Variants in MAT2B observed in about 807,000 individuals in gnomAD.
MAT2B encodes methionine adenosyltransferase 2 subunit beta.
In MAT2B, 16 loss-of-function variants were observed where a neutral mutation model predicts 36.1. The ratio of observed to expected loss-of-function variants is 0.44; its 90% CI spans 0.30 to 0.67. The LOEUF (loss-of-function observed/expected upper bound fraction) is 0.67, where lower values mean the gene tolerates loss of function less well. MAT2B is among the 30% of genes least tolerant of loss of function. The probability of loss-of-function intolerance (pLI) is 0.09; values close to 1 mark genes in which losing one functional copy is unlikely to be tolerated. For missense variants in MAT2B, 332 were observed against 398.2 expected, an observed-to-expected ratio of 0.83 and a Z score of 1.42; for synonymous variants, 148 against 136.9, an observed-to-expected ratio of 1.08 and a Z score of -0.57.
chr5:163,514,978 T>C (rs1417609267), intron 4 of MAT2B, among the ~76,000 whole-genome samples: 4 of 152,290 alleles, frequency 2.6e-5, no homozygotes, highest in South Asian at 2.1e-4. Flanking sequence ...TGAGGGTCTT[T>C]CTGGTCCTCT....
At chr5:163,503,300 C>A, upstream of MAT2B, 3 of 1,133,232 alleles carry the variant, frequency 2.6e-6, no homozygotes, top group South Asian at 1.3e-5. Flanking sequence ...GGCGTGCCTG[C>A]GCTCTCTGCA....
chr5:163,504,694 G>A (rs1581211132), upstream of MAT2B, among the ~76,000 whole-genome samples: 2 of 152,170 alleles, frequency 1.3e-5, no homozygotes, highest in African/African-American at 2.4e-5. Context: ...TTTCACAGGC[G>A]TCCAGCCTGG....
Position 163,518,485 on chromosome 5 carries a change from T to C in MAT2B, c.*122T>C. 4 of 741,820 alleles carry C rather than the reference T, an allele frequency of 5.4e-6. No homozygotes were observed. The highest frequency in any genetic ancestry group is 8.2e-6 in the Non-Finnish European group (4 of 485,188). The allele number at this position is 741,820 out of a possible 1,614,324, so 46.0% of individuals were successfully genotyped here. A position where few individuals can be genotyped will look rare whatever the true frequency, so the allele number is the denominator to read the frequency against. ...ATTGTGACTCTTAGGATCTTTCAGG[T>C]AAATGATGCTCTTGCACTAGTGAAA... On this transcript the variant is annotated 3_prime_UTR_variant, in exon 7 of 7. Transcript: ENST00000321757.
intron 2 of MAT2B, chr5:163,512,552 T>G: frequency 2.6e-6 from 1 of 379,294 alleles, no homozygotes; most frequent in South Asian, 2.1e-5. Flanking sequence ...AGGTTTTCGG[T>G]ATCATTGATA....
At chr5:163,513,800 T>C in intron 3 of MAT2B, 42 bp from the exon 4 acceptor site, 1 of 1,572,534 alleles carries the variant, frequency 6.4e-7, no homozygotes, top group Non-Finnish European at 8.7e-7. Context: ...GAAAGAGTAA[T>C]GTCATGTAAA....
Position 163,513,635 on chromosome 5 carries a change from T to C in MAT2B, c.339T>C (p.Asn113=). 2 of 1,613,884 alleles carry C rather than the reference T, an allele frequency of 1.2e-6. No individual in the cohort carries two copies. The highest frequency in any genetic ancestry group is 1.7e-6 in the Non-Finnish European group (2 of 1,179,816). The change falls in exon 3 of 7, where the codon AAT becomes AAC. Residue 113 remains asparagine (N), a synonymous_variant. Coordinates refer to ENST00000321757, the MANE Select transcript of MAT2B (RefSeq NM_013283.5). The part of the protein sequence containing the change: ...ENQPDAASQL[N]VDASGNLAKE... ...AGCCAGATGCTGCCTCTCAACTTAATGTGGATGCTTCTGGGAATTTAGCAA... is the reference window on the plus strand; with the variant it reads ...AGCCAGATGCTGCCTCTCAACTTAACGTGGATGCTTCTGGGAATTTAGCAA...
intron 1 of MAT2B, among the ~76,000 whole-genome samples, chr5:163,506,863 C>A (rs1581212016): frequency 6.6e-6 from 1 of 152,044 alleles, no homozygotes; most frequent in Non-Finnish European, 1.5e-5. Context: ...AAAAATGAAA[C>A]AACGAAGAGC....
upstream of MAT2B, among the ~76,000 whole-genome samples, chr5:163,505,064 G>C (rs1759905104): frequency 6.6e-6 from 1 of 151,864 alleles, no homozygotes; most frequent in African/African-American, 2.4e-5. Flanking sequence ...TTACATTTTT[G>C]ATATCTCACA....
chr5:163,518,121 A>G, intron 6 of MAT2B, 72 bp from the exon 7 acceptor site: 1 of 1,062,046 alleles, frequency 9.4e-7, no homozygotes, highest in African/African-American at 1.6e-5. Flanking sequence ...AAAAAAGGTC[A>G]GGGGGAACAA....
At chr5:163,503,888 T>A (rs1369070486), upstream of MAT2B, among the ~76,000 whole-genome samples, 1 of 152,224 alleles carries the variant, frequency 6.6e-6, no homozygotes, top group Admixed American at 6.5e-5. Context: ...GCATAGACCC[T>A]ACCATCATTA....
intron 1 of MAT2B, 122 bp from the exon 2 acceptor site, chr5:163,511,880 A>G: frequency 1.4e-6 from 1 of 730,810 alleles, no homozygotes; most frequent in Non-Finnish European, 2.3e-6. Context: ...TGGCTTGCAG[A>G]TATGGGACAT....
chr5:163,504,860 T>C (rs1309801607), upstream of MAT2B, among the ~76,000 whole-genome samples: 1 of 152,154 alleles, frequency 6.6e-6, no homozygotes, highest in Non-Finnish European at 1.5e-5. Context: ...GGCCCAATCC[T>C]GCAATCCCCG....
chr5:163,516,064 GC>G (rs753867723), intron 4 of MAT2B, among the ~76,000 whole-genome samples: 37 of 151,860 alleles, frequency 2.4e-4, no homozygotes, highest in Non-Finnish European at 4.7e-4. Context: ...TATTTTTGAG[GC>G]AGGGTCTCAC....
intron 5 of MAT2B, chr5:163,517,182 TAAG>T (rs1241893615): frequency 3.0e-5 from 6 of 196,768 alleles, no homozygotes; most frequent in African/African-American, 1.4e-4. Context: ...TGACAATATT[TAAG>T]AAAGTTTAGC....
intron 1 of MAT2B, 28 bp downstream of exon 1, chr5:163,505,777 G>A (rs1284784144): frequency 1.6e-6 from 2 of 1,256,692 alleles, no homozygotes; most frequent in Admixed American, 4.1e-5. Flanking sequence ...GGCGTCTCCG[G>A]TGGGAGCGGG....
At chr5:163,505,510 C>A (rs1759912653), upstream of MAT2B, 15 of 1,237,722 alleles carry the variant, frequency 1.2e-5, no homozygotes, top group Non-Finnish European at 1.4e-5. Flanking sequence ...CTTTCTGGGG[C>A]GTCGGCGGAG....
chr5:163,515,946 G>A (rs1211227926), intron 4 of MAT2B, among the ~76,000 whole-genome samples: 3 of 151,782 alleles, frequency 2.0e-5, no homozygotes, highest in Admixed American at 6.6e-5. Flanking sequence ...TGTTGTCCAC[G>A]CTGGTCTCGA....
At chr5:163,509,579 A>G (rs1247929715) in intron 1 of MAT2B, among the ~76,000 whole-genome samples, 1 of 152,192 alleles carries the variant, frequency 6.6e-6, no homozygotes, top group Non-Finnish European at 1.5e-5. Context: ...GACCTTAGGA[A>G]CTGTTACCTG....
chr5:163,516,417 A>G lies in MAT2B; in HGVS notation c.527-101A>G. On this transcript the variant is annotated intron_variant, in intron 4 of 6. Coordinates refer to ENST00000321757, the MANE Select transcript of MAT2B (RefSeq NM_013283.5). The stretch of plus-strand genomic sequence containing the variant: ...TTTTGGTATATTTTAATTAAAAGGC[A>G]AGGTTTCTACTTTGATATTATTTAA... 3.3e-6 allele frequency: 3 copies of G among 910,454 alleles called. 1 individual carries two copies. The South Asian group carries it at 5.0e-5, about 15-fold the overall frequency. 56.4% of individuals were successfully genotyped at this position (910,454 alleles called of 1,614,324 possible). A position where few individuals can be genotyped will look rare whatever the true frequency, so the allele number is the denominator to read the frequency against.
Sources: gnomAD v4.1 joint callset for allele counts (sites outside exome capture counted in the v4.1 genomes callset) on GRCh38, gnomAD v4.1.1 for gene constraint, MANE v1.5 for transcripts, NCBI Gene and HGNC (gene_info 2026-07-23, HGNC 2026-07-21) for gene names.